SIK2: variants seen among roughly 807,000 people sequenced by gnomAD.
The protein encoded by SIK2 is salt inducible kinase 2.
SIK2 carries 29 observed loss-of-function variants against 103.2 expected under a neutral mutation model. The ratio of observed to expected loss-of-function variants is 0.28; its 90% CI spans 0.21 to 0.38. The LOEUF (loss-of-function observed/expected upper bound fraction) is 0.38, where lower values mean the gene tolerates loss of function less well. SIK2 is among the 10% of genes least tolerant of loss of function. SIK2 has a pLI of 1.00. For missense variants in SIK2, 879 were observed against 1,171.0 expected, an observed-to-expected ratio of 0.75 and a Z score of 3.64; for synonymous variants, 412 against 446.1, an observed-to-expected ratio of 0.92 and a Z score of 0.96.
In SIK2 at chr11:111,701,707, A is replaced by G; in HGVS notation, c.727+132A>G. 5 of 1,193,354 alleles carry G rather than the reference A, an allele frequency of 4.2e-6. 1 individual carries two copies. In the South Asian group the frequency reaches 5.3e-5, roughly 13 times the overall value. 73.9% of individuals were successfully genotyped at this position (1,193,354 alleles called of 1,614,324 possible). ...GTGACTGAGCTGTAGGTTAAAAGCT[A>G]TAGAAAGAAGCAACCTCCTTTATGT... On this transcript the variant is annotated intron_variant, in intron 6 of 14. Transcript: ENST00000304987. The surrounding 1 kb of genome is among the most constrained non-coding windows in gnomAD (Gnocchi z 4.2).
intron 3 of SIK2, among the ~76,000 whole-genome samples, chr11:111,684,297 A>C (rs1942815333): frequency 6.6e-6 from 1 of 152,186 alleles, no homozygotes; most frequent in Admixed American, 6.5e-5. Context: ...CCTAGGACTC[A>C]TTTTGTAGTC....
intron 2 of SIK2, among the ~76,000 whole-genome samples, chr11:111,617,122 G>A (rs1941817221): frequency 6.6e-6 from 1 of 152,012 alleles, no homozygotes; most frequent in Non-Finnish European, 1.5e-5. Context: ...CTCATTTTAA[G>A]TGTAAGCCAT....
intron 3 of SIK2, among the ~76,000 whole-genome samples, chr11:111,670,172 A>G (rs1463009391): frequency 2.0e-5 from 3 of 152,186 alleles, no homozygotes; most frequent in Non-Finnish European, 4.4e-5. Flanking sequence ...GTTTGTGCTC[A>G]TTAATCAGCC....
At chr11:111,640,722 A>ATTTTTTTTTTT (rs58052684) in intron 3 of SIK2, among the ~76,000 whole-genome samples, 2 of 65,944 alleles carry the variant, frequency 3.0e-5, no homozygotes, top group Non-Finnish European at 4.9e-5. Flanking sequence ...GAAACAGGCA[A>ATTTTTTTTTTT]TTTTTTTTTT....
At chr11:111,698,027 T>C (rs751609424) in intron 4 of SIK2, among the ~76,000 whole-genome samples, 5 of 151,788 alleles carry the variant, frequency 3.3e-5, no homozygotes, top group Non-Finnish European at 7.4e-5. Context: ...TATATAAATA[T>C]AACATTTGAA....
intron 4 of SIK2, among the ~76,000 whole-genome samples, chr11:111,690,010 TA>T (rs1421667853): frequency 6.6e-6 from 1 of 151,988 alleles, no homozygotes; most frequent in Non-Finnish European, 1.5e-5. Context: ...ATCACACATA[TA>T]CACGTATATA....
chr11:111,623,682 C>T (rs1474772469), intron 3 of SIK2, among the ~76,000 whole-genome samples: 1 of 152,140 alleles, frequency 6.6e-6, no homozygotes, highest in Non-Finnish European at 1.5e-5. Flanking sequence ...CCATTCCTGG[C>T]TTTGTGTAAG....
chr11:111,636,949 T>A (rs1185257195), intron 3 of SIK2, among the ~76,000 whole-genome samples: 2 of 152,184 alleles, frequency 1.3e-5, no homozygotes, highest in Non-Finnish European at 2.9e-5. Context: ...AATTTTCCAA[T>A]GATGTGCTTT....
chr11:111,693,755 C>T (rs917504068), intron 4 of SIK2, among the ~76,000 whole-genome samples: 1 of 152,190 alleles, frequency 6.6e-6, no homozygotes, highest in African/African-American at 2.4e-5. Context: ...CGATTATTTA[C>T]ACTTTCTAGG....
At chr11:111,633,155 C>G (rs912210971) in intron 3 of SIK2, among the ~76,000 whole-genome samples, 2 of 152,186 alleles carry the variant, frequency 1.3e-5, no homozygotes, top group Admixed American at 1.3e-4. Flanking sequence ...TGCTCTCTGC[C>G]TATTGAAATA....
chr11:111,663,532 CTGAG>C (rs1266902312), intron 3 of SIK2, among the ~76,000 whole-genome samples: 1 of 152,100 alleles, frequency 6.6e-6, no homozygotes, highest in African/African-American at 2.4e-5. Context: ...GAATTTTGTA[CTGAG>C]TGAGACTGGA....
rs1565395091 is a variant in SIK2 at position 111,720,987 on chromosome 11, A to G, written c.1869A>G (p.Gln623=). 6.2e-7 allele frequency: 1 copy of G among 1,614,172 alleles called. No individual in the cohort carries two copies. The highest frequency in any genetic ancestry group is 8.5e-7 in the Non-Finnish European group (1 of 1,180,020). ...ELNKVQLLYE[Q]IGPEADPNLA... The stretch of plus-strand genomic sequence containing the variant: ...ACAAAGTGCAGTTGTTGTATGAACA[A>G]ATAGGACCGGAGGCAGACCCTAACC... Residue 623 remains glutamine (Q), a synonymous_variant, in exon 12 of 15, where the codon CAA becomes CAG. Coordinates refer to ENST00000304987, the MANE Select transcript of SIK2 (RefSeq NM_015191.3).
intron 3 of SIK2, chr11:111,670,868 T>A (rs1942615697): frequency 6.5e-6 from 1 of 153,248 alleles, no homozygotes; most frequent in African/African-American, 2.4e-5. Flanking sequence ...TTCCTTTTCC[T>A]TATGCTCCCC....
At chr11:111,696,071 G>C (rs1943064284) in intron 4 of SIK2, among the ~76,000 whole-genome samples, 1 of 152,154 alleles carries the variant, frequency 6.6e-6, no homozygotes, top group Non-Finnish European at 1.5e-5. Context: ...AGCTTTTGAG[G>C]CCTAGTTGAT....
rs548343715 is a variant in SIK2, at chr11:111,675,152, G to A, written c.317-12849G>A. Among the ~76,000 whole-genome samples the A allele has an allele frequency of 1.5e-4, 23 of 152,124 alleles. 1 individual carries two copies. In the South Asian group the frequency reaches 4.8e-3, roughly 32 times the overall value. On this transcript the variant is annotated intron_variant, in intron 3 of 14. Coordinates refer to ENST00000304987, the MANE Select transcript of SIK2 (RefSeq NM_015191.3). The stretch of plus-strand genomic sequence containing the variant: ...GTCATTTAGGGTGACTCCATTTCAG[G>A]CTATATAATTGGGTTCAGATCTACT...
At position 111,726,131 on chromosome 11, in the gene SIK2, T is replaced by C. The variant is rs965588523; in HGVS notation, c.*2002T>C. 1.3e-5 allele frequency: 2 copies of C among 152,234 alleles called. No homozygotes were observed. The highest frequency in any genetic ancestry group is 2.9e-5 in the Non-Finnish European group (2 of 68,032). 9.4% of individuals were successfully genotyped at this position (152,234 alleles called of 1,614,324 possible). On this transcript the variant is annotated 3_prime_UTR_variant, in exon 15 of 15. Coordinates refer to ENST00000304987, the MANE Select transcript of SIK2 (RefSeq NM_015191.3). The stretch of plus-strand genomic sequence containing the variant: ...GTTATAAAATGGGGCTTGATTTGTT[T>C]AGACTGAAGGAAGACGTTTTCCCAA...
At chr11:111,607,537 T>C (rs1035383734) in intron 1 of SIK2, among the ~76,000 whole-genome samples, 2 of 152,206 alleles carry the variant, frequency 1.3e-5, no homozygotes, top group African/African-American at 4.8e-5. Flanking sequence ...ATTAATCTTG[T>C]ACTGTGAAAT....
intron 1 of SIK2, among the ~76,000 whole-genome samples, chr11:111,603,625 A>C (rs1052361679): frequency 2.6e-5 from 4 of 152,218 alleles, no homozygotes; most frequent in Admixed American, 6.5e-5. Context: ...CCACTGCCTC[A>C]AGCTGCTCTC....
At chr11:111,660,808 A>G (rs1241622058) in intron 3 of SIK2, among the ~76,000 whole-genome samples, 1 of 148,328 alleles carries the variant, frequency 6.7e-6, no homozygotes, top group East Asian at 2.0e-4. Context: ...ACTTGAACCT[A>G]ATGGATTTAA....
Sources: gnomAD v4.1 joint callset for allele counts (sites outside exome capture counted in the v4.1 genomes callset) on GRCh38, gnomAD v4.1.1 for gene constraint, Gnocchi (gnomAD v3.1) non-coding constraint, MANE v1.5 for transcripts, NCBI Gene and HGNC (gene_info 2026-07-23, HGNC 2026-07-21) for gene names.